Variants in SLC24A2 observed in about 807,000 individuals in gnomAD.
SLC24A2 encodes the protein sodium/potassium/calcium exchanger 2.
A neutral mutation model predicts 62.0 loss-of-function variants in SLC24A2; 36 were observed. That is an observed-to-expected ratio of 0.58 (90% CI 0.44 to 0.77). The LOEUF (loss-of-function observed/expected upper bound fraction) is 0.77, where lower values mean the gene tolerates loss of function less well. Ranked by LOEUF, SLC24A2 falls within the 30% of genes least tolerant of loss-of-function variation. SLC24A2 has a pLI of 0.00. For missense variants in SLC24A2, 846 were observed against 817.9 expected (o/e 1.03, Z -0.42); for synonymous variants, 358 against 294.0 (o/e 1.22, Z -2.23).
the SLC24A2 span, among the ~76,000 whole-genome samples, chr9:20,115,878 C>T: frequency 6.6e-6 from 1 of 152,170 alleles, no homozygotes; most frequent in Admixed American, 6.6e-5. Context: ...GCAATGATTG[C>T]ATCAGACTAG....
the SLC24A2 span, among the ~76,000 whole-genome samples, chr9:20,176,995 A>G: frequency 6.6e-6 from 1 of 152,092 alleles, no homozygotes; most frequent in Non-Finnish European, 1.5e-5. Context: ...TTATTAACAC[A>G]GTCTTTACTA....
intron 2 of SLC24A2, among the ~76,000 whole-genome samples, chr9:19,696,469 G>T (rs1373340565): frequency 6.6e-6 from 1 of 152,142 alleles, no homozygotes; most frequent in East Asian, 1.9e-4. Flanking sequence ...GCTTGTCCTT[G>T]GCTGTGTTTG....
chr9:20,073,544 G>C, the SLC24A2 span, among the ~76,000 whole-genome samples: 12 of 152,162 alleles, frequency 7.9e-5, no homozygotes, highest in Admixed American at 6.6e-4. Context: ...TGGAAATATA[G>C]GGGACCATAT....
the SLC24A2 span, among the ~76,000 whole-genome samples, chr9:19,916,098 A>T: frequency 2.6e-5 from 4 of 152,054 alleles, no homozygotes; most frequent in Admixed American, 6.6e-5. Context: ...GGTGTGAGGT[A>T]GAGGTCCAAA....
intron 2 of SLC24A2, among the ~76,000 whole-genome samples, chr9:19,779,706 A>G (rs1263635086): frequency 6.6e-6 from 1 of 152,224 alleles, no homozygotes; most frequent in Non-Finnish European, 1.5e-5. Context: ...TGGTAAAATG[A>G]CAATGTCTAA....
Position 19,787,039 on chromosome 9 carries a change from G to A in SLC24A2, c.-153-20C>T, listed in dbSNP as rs770364095. On this transcript the variant is annotated intron_variant, in intron 1 of 10. Coordinates refer to ENST00000341998, the MANE Select transcript of SLC24A2 (RefSeq NM_020344.4). The stretch of plus-strand genomic sequence containing the variant: ...TTTATGCTTAAATAAAAATAAAAAC[G>A]AGAATAAGTAAATCATAAAATCACG... The A allele has an allele frequency of 3.7e-6, 5 of 1,362,990 alleles. No homozygotes were observed. The highest frequency in any genetic ancestry group is 2.9e-5 in the African/African-American group (2 of 68,594). 84.4% of individuals were successfully genotyped at this position (1,362,990 alleles called of 1,614,324 possible).
chr9:19,646,957 C>T (rs1337068350), intron 2 of SLC24A2, among the ~76,000 whole-genome samples: 1 of 151,806 alleles, frequency 6.6e-6, no homozygotes, highest in Non-Finnish European at 1.5e-5. Context: ...AGAAGTCTGC[C>T]AAATTTCCAT....
At chr9:19,926,462 CT>C in the SLC24A2 span, 1 of 152,342 alleles carries the variant, frequency 6.6e-6, no homozygotes, top group Non-Finnish European at 1.5e-5. Context: ...CTCCCAGATG[CT>C]TCGCCCAGTT....
the SLC24A2 span, chr9:19,926,381 A>T: frequency 6.6e-6 from 1 of 152,162 alleles, no homozygotes; most frequent in Admixed American, 6.5e-5. Flanking sequence ...TTGGACTGGG[A>T]TCACACAGAG....
the SLC24A2 span, among the ~76,000 whole-genome samples, chr9:19,850,963 A>G: frequency 3.0e-4 from 7 of 23,012 alleles, no homozygotes; most frequent in East Asian, 1.4e-3. Flanking sequence ...ATATATATAT[A>G]TATGTATATA....
the SLC24A2 span, among the ~76,000 whole-genome samples, chr9:20,060,871 AAT>A: frequency 1.3e-5 from 2 of 152,344 alleles, no homozygotes; most frequent in South Asian, 4.1e-4. Flanking sequence ...TGCAAAACTT[AAT>A]TGTATTTCTA....
the SLC24A2 span, among the ~76,000 whole-genome samples, chr9:19,840,983 A>G: frequency 6.6e-6 from 1 of 152,176 alleles, no homozygotes; most frequent in African/African-American, 2.4e-5. Flanking sequence ...ATATATATCA[A>G]TCTTCCTGTT....
the SLC24A2 span, among the ~76,000 whole-genome samples, chr9:19,885,635 C>A: frequency 6.6e-6 from 1 of 152,122 alleles, no homozygotes; most frequent in South Asian, 2.1e-4. Context: ...GGTACATGTA[C>A]AGGGTTGGTT....
chr9:20,030,217 T>A, the SLC24A2 span, among the ~76,000 whole-genome samples: 8 of 152,344 alleles, frequency 5.3e-5, no homozygotes, highest in African/African-American at 1.9e-4. Flanking sequence ...AGAGGCCAGA[T>A]GTGAAGATAC....
At chr9:20,122,299 C>T in the SLC24A2 span, among the ~76,000 whole-genome samples, 3 of 152,194 alleles carry the variant, frequency 2.0e-5, no homozygotes. Context: ...TCCGATAGTT[C>T]TGCACACTTG....
the SLC24A2 span, among the ~76,000 whole-genome samples, chr9:20,282,755 C>G: frequency 6.6e-6 from 1 of 152,140 alleles, no homozygotes; most frequent in African/African-American, 2.4e-5. Context: ...AGTTTATATA[C>G]TCTTGAACTT....
the SLC24A2 span, among the ~76,000 whole-genome samples, chr9:20,220,027 T>G: frequency 1.4e-4 from 21 of 152,160 alleles, no homozygotes; most frequent in Non-Finnish European, 2.6e-4. Context: ...GCTATATAAG[T>G]GTAATTTATT....
chr9:20,273,613 G>T, the SLC24A2 span, among the ~76,000 whole-genome samples: 39 of 152,136 alleles, frequency 2.6e-4, no homozygotes, highest in African/African-American at 9.4e-4. Flanking sequence ...CACATAAGAC[G>T]TGACTTGCTC....
the SLC24A2 span, among the ~76,000 whole-genome samples, chr9:20,172,411 G>T: frequency 2.6e-5 from 4 of 151,920 alleles, no homozygotes; most frequent in Non-Finnish European, 5.9e-5. Flanking sequence ...AAAACAAAAA[G>T]CTAGTTCTTT....
Sources: allele counts gnomAD v4.1 joint callset (sites outside exome capture counted in the v4.1 genomes callset), GRCh38; gene constraint gnomAD v4.1.1; transcripts MANE v1.5; gene names NCBI Gene and HGNC (gene_info 2026-07-23, HGNC 2026-07-21).